The following GULP1 variants were observed in gnomAD, a reference collection of about 807,000 sequenced individuals.
GULP1 encodes PTB domain-containing engulfment adapter protein 1.
GULP1 carries 19 observed loss-of-function variants against 40.9 expected under a neutral mutation model. The observed-to-expected ratio is 0.46, with a 90% confidence interval of 0.32 to 0.68. The LOEUF (loss-of-function observed/expected upper bound fraction) is 0.68. Ranked by LOEUF, GULP1 falls within the 30% of genes least tolerant of loss-of-function variation. The pLI, the probability that GULP1 is intolerant of heterozygous loss-of-function variation, is 0.03. For missense variants in GULP1, 312 were observed against 362.2 expected (o/e 0.86, Z 1.12); for synonymous variants, 119 against 117.6 (o/e 1.01, Z -0.08).
At chr2:188,390,790 A>T (rs1031308185) in intron 2 of GULP1, among the ~76,000 whole-genome samples, 15 of 151,800 alleles carry the variant, frequency 9.9e-5, no homozygotes, top group African/African-American at 3.4e-4. Flanking sequence ...TTGTTTTTTT[A>T]AAATAAGATG....
intron 2 of GULP1, among the ~76,000 whole-genome samples, chr2:188,455,452 A>G (rs1334929932): frequency 1.3e-5 from 2 of 151,998 alleles, no homozygotes; most frequent in Admixed American, 1.3e-4. Context: ...GAAACTGGAG[A>G]TCTGATGGGT....
At chr2:188,315,226 T>C (rs2038879394) in intron 1 of GULP1, among the ~76,000 whole-genome samples, 1 of 152,212 alleles carries the variant, frequency 6.6e-6, no homozygotes, top group Non-Finnish European at 1.5e-5. Context: ...GTAAAAGTTA[T>C]GGCTGCAGTG....
At chr2:188,347,857 G>A (rs1171588973) in intron 1 of GULP1, among the ~76,000 whole-genome samples, 1 of 152,134 alleles carries the variant, frequency 6.6e-6, no homozygotes, top group Non-Finnish European at 1.5e-5. Context: ...ATCTCAAGCA[G>A]TCTGCCCACC....
intron 4 of GULP1, among the ~76,000 whole-genome samples, chr2:188,517,718 C>CG (rs1046700502): frequency 6.6e-6 from 1 of 152,028 alleles, no homozygotes; most frequent in Non-Finnish European, 1.5e-5. Flanking sequence ...TTGTTTTCCT[C>CG]GGTCTGTTTT....
chr2:188,433,132 T>C (rs1210925771), intron 2 of GULP1, among the ~76,000 whole-genome samples: 4 of 152,094 alleles, frequency 2.6e-5, no homozygotes, highest in Non-Finnish European at 1.5e-5. Flanking sequence ...TAGAAGACCA[T>C]AACCAGATGA....
chr2:188,323,005 C>G (rs1037142448), intron 1 of GULP1, among the ~76,000 whole-genome samples: 10 of 152,108 alleles, frequency 6.6e-5, no homozygotes, highest in African/African-American at 2.2e-4. Context: ...CCTCCCCCTA[C>G]TTGATACAAA....
At chr2:188,356,353 A>G (rs1047371582) in intron 1 of GULP1, among the ~76,000 whole-genome samples, 3 of 152,144 alleles carry the variant, frequency 2.0e-5, no homozygotes, top group African/African-American at 7.2e-5. Context: ...CAGCATATGA[A>G]ATCAGCACTC....
At chr2:188,557,344 A>G (rs1360536707) in intron 7 of GULP1, among the ~76,000 whole-genome samples, 2 of 152,242 alleles carry the variant, frequency 1.3e-5, no homozygotes, top group Non-Finnish European at 2.9e-5. Context: ...TAATTCCAAC[A>G]TACAATGGGA....
intron 1 of GULP1, among the ~76,000 whole-genome samples, chr2:188,357,951 G>A (rs532202339): frequency 6.6e-6 from 1 of 152,282 alleles, no homozygotes; most frequent in South Asian, 2.1e-4. Context: ...GGCTGAAGCA[G>A]GTGGATCACT....
At chr2:188,569,023 C>G (rs985163549) in intron 7 of GULP1, among the ~76,000 whole-genome samples, 1 of 152,008 alleles carries the variant, frequency 6.6e-6, no homozygotes, top group Non-Finnish European at 1.5e-5. Flanking sequence ...CCCCCAAGTC[C>G]GCTTGTTTTT....
chr2:188,486,842 A>G (rs965308394), intron 4 of GULP1, among the ~76,000 whole-genome samples: 11 of 152,062 alleles, frequency 7.2e-5, no homozygotes, highest in Admixed American at 2.0e-4. Context: ...TTTCCAAGCT[A>G]AAGGTTATTA....
chr2:188,322,367 C>A (rs191352632), intron 1 of GULP1, among the ~76,000 whole-genome samples: 1 of 151,734 alleles, frequency 6.6e-6, no homozygotes. Context: ...AATGAAGAAA[C>A]AATATAACCT....
At chr2:188,337,452 T>C (rs1235794635) in intron 1 of GULP1, among the ~76,000 whole-genome samples, 1 of 149,310 alleles carries the variant, frequency 6.7e-6, no homozygotes, top group Non-Finnish European at 1.5e-5. Context: ...CCAACTTCTT[T>C]TGCATCTAGA....
chr2:188,515,082 G>A (rs930848654), intron 4 of GULP1, among the ~76,000 whole-genome samples: 3 of 152,234 alleles, frequency 2.0e-5, no homozygotes, highest in Non-Finnish European at 2.9e-5. Context: ...TGCAGTTGCT[G>A]CATCTTATGG....
intron 4 of GULP1, among the ~76,000 whole-genome samples, chr2:188,519,905 A>T (rs1283096501): frequency 6.6e-6 from 1 of 152,102 alleles, no homozygotes; most frequent in East Asian, 1.9e-4. Flanking sequence ...CAAACTCCTG[A>T]GTAGCTGAAA....
At chr2:188,566,794 C>CAAAA (rs11350294) in intron 7 of GULP1, among the ~76,000 whole-genome samples, 6 of 26,918 alleles carry the variant, frequency 2.2e-4, no homozygotes, top group Admixed American at 6.0e-4. Flanking sequence ...GACTCCATCT[C>CAAAA]AAAAAAAAAA....
chr2:188,310,923 A>G, intron 1 of GULP1, among the ~76,000 whole-genome samples: 1 of 152,246 alleles, frequency 6.6e-6, no homozygotes, highest in East Asian at 1.9e-4. Flanking sequence ...ATATTTTAAT[A>G]GGACTTAACT....
intron 1 of GULP1, among the ~76,000 whole-genome samples, chr2:188,336,684 C>CA (rs1445503648): frequency 5.9e-5 from 9 of 152,196 alleles, no homozygotes; most frequent in African/African-American, 2.2e-4. Flanking sequence ...TATCTGAGAA[C>CA]AAAGCAATAG....
At chr2:188,302,589 A>AG (rs1358349437) in intron 1 of GULP1, among the ~76,000 whole-genome samples, 1 of 152,198 alleles carries the variant, frequency 6.6e-6, no homozygotes, top group African/African-American at 2.4e-5. Context: ...CCACTCACAG[A>AG]GGTATAAAAA....
Sources: allele counts gnomAD v4.1 joint callset (sites outside exome capture counted in the v4.1 genomes callset), GRCh38; gene constraint gnomAD v4.1.1; transcripts MANE v1.5; gene names NCBI Gene and HGNC (gene_info 2026-07-23, HGNC 2026-07-21).